The following EPM2A variants were observed in gnomAD, a reference collection of about 807,000 sequenced individuals.
The protein encoded by EPM2A is laforin.
EPM2A carries 21 observed loss-of-function variants against 26.5 expected under a neutral mutation model. The ratio of observed to expected loss-of-function variants is 0.79; its 90% CI spans 0.56 to 1.14. The LOEUF (loss-of-function observed/expected upper bound fraction) is 1.14, where lower values mean the gene tolerates loss of function less well. EPM2A is among the 50% of genes most tolerant of loss of function. The pLI, the probability that EPM2A is intolerant of heterozygous loss-of-function variation, is 0.00. For synonymous variants in EPM2A, 217 were observed against 177.6 expected (o/e 1.22, Z -1.76); for missense variants, 458 against 440.8 (o/e 1.04, Z -0.35).
chr6:145,395,525 A>T (rs1778393653), intron 4 of EPM2A, among the ~76,000 whole-genome samples: 1 of 152,114 alleles, frequency 6.6e-6, no homozygotes, highest in Non-Finnish European at 1.5e-5. Flanking sequence ...TGAAAAAACA[A>T]CGAGAGCCCC....
chr6:145,601,865 G>C (rs900078262), intron 2 of EPM2A, among the ~76,000 whole-genome samples: 1 of 152,026 alleles, frequency 6.6e-6, no homozygotes, highest in African/African-American at 2.4e-5. Context: ...TACAATTATA[G>C]GCGCCTCTTT....
chr6:145,467,002 G>T (rs1779406936), intron 4 of EPM2A, among the ~76,000 whole-genome samples: 1 of 152,160 alleles, frequency 6.6e-6, no homozygotes, highest in African/African-American at 2.4e-5. Flanking sequence ...GTGGGGCGGT[G>T]GGAGTGGAGA....
chr6:145,729,760 G>C (rs1437290581), intron 1 of EPM2A, among the ~76,000 whole-genome samples: 1 of 152,134 alleles, frequency 6.6e-6, no homozygotes, highest in East Asian at 1.9e-4. Context: ...GAGACTTTGG[G>C]GGACCGTTGA....
chr6:145,395,526 C>T (rs569505032), intron 4 of EPM2A, among the ~76,000 whole-genome samples: 24 of 152,212 alleles, frequency 1.6e-4, no homozygotes, highest in South Asian at 6.2e-4. Context: ...GAAAAAACAA[C>T]GAGAGCCCCT....
rs1241853088 is a variant in EPM2A at position 145,451,342 on chromosome 6, A to C, written c.555+51180T>G. Among the ~76,000 whole-genome samples, 48 of 84,606 alleles carry C rather than the reference A, an allele frequency of 5.7e-4. 1 individual carries two copies. The Admixed American group carries it at 6.7e-3, about 12-fold the overall frequency. The allele number at this position is 84,606 out of a possible 152,430, so 55.5% of individuals were successfully genotyped here. A position where few individuals can be genotyped will look rare whatever the true frequency, so the allele number is the denominator to read the frequency against. On this transcript the variant is annotated intron_variant, in intron 4 of 4. Transcript: ENST00000638717. The stretch of plus-strand genomic sequence containing the variant: ...CAAAATCATGCATTTGTTACCAAAA[A>C]ATGCATTGGTAAAAAAATCCATTGT...
At chr6:145,491,097 C>A in intron 4 of EPM2A, 1 of 649,740 alleles carries the variant, frequency 1.5e-6, no homozygotes, top group African/African-American at 1.8e-5. Context: ...TGCAATCTTC[C>A]TTTTATTTGG....
chr6:145,451,717 A>G (rs1415738450), intron 4 of EPM2A, among the ~76,000 whole-genome samples: 3 of 152,234 alleles, frequency 2.0e-5, no homozygotes, highest in African/African-American at 7.2e-5. Flanking sequence ...TTTGTTAAGA[A>G]AAATAAGTTA....
intron 2 of EPM2A, among the ~76,000 whole-genome samples, chr6:145,511,897 T>G (rs1477191973): frequency 1.3e-5 from 2 of 152,212 alleles, no homozygotes; most frequent in African/African-American, 4.8e-5. Context: ...CAGATCTGAT[T>G]AGAAACTTCA....
chr6:145,625,823 C>G lies in EPM2A; in HGVS notation c.*1593G>C, dbSNP rs1775771558. 1.3e-6 allele frequency: 2 copies of G among 1,549,684 alleles called. No individual in the cohort carries two copies. The highest frequency in any genetic ancestry group is 1.4e-5 in the African/African-American group (1 of 73,404). On this transcript the variant is annotated 3_prime_UTR_variant, in exon 4 of 4. Transcript: ENST00000367519. Reference sequence around the variant, plus strand: ...CTTACCTTGTATCCTTCTTGTCCCCCACGCCTTCTAAATAAGAGTCTCTTG... The same window carrying G: ...CTTACCTTGTATCCTTCTTGTCCCCGACGCCTTCTAAATAAGAGTCTCTTG...
At chr6:145,501,869 T>C (rs917573549) in intron 3 of EPM2A, 2 of 471,014 alleles carry the variant, frequency 4.2e-6, no homozygotes, top group Non-Finnish European at 8.8e-6. Context: ...CAGGGATAGA[T>C]ACAGGTAGAG....
At chr6:145,450,874 C>T (rs4896808) in intron 4 of EPM2A, among the ~76,000 whole-genome samples, 7,585 of 152,048 alleles carry the variant, frequency 0.05, 288 homozygotes, top group Admixed American at 0.12. Flanking sequence ...TTGTAAACTG[C>T]TGTTTTATAT....
chr6:145,426,401 C>T (rs780097492), intron 4 of EPM2A, among the ~76,000 whole-genome samples: 62 of 152,296 alleles, frequency 4.1e-4, no homozygotes, highest in Non-Finnish European at 7.5e-4. Flanking sequence ...ATAATTTCCA[C>T]CATCGATATT....
At chr6:145,456,970 A>C (rs908716287) in intron 4 of EPM2A, among the ~76,000 whole-genome samples, 6 of 152,234 alleles carry the variant, frequency 3.9e-5, no homozygotes, top group Non-Finnish European at 7.3e-5. Context: ...AATATTAAAA[A>C]TTCAAATAGA....
downstream of EPM2A, among the ~76,000 whole-genome samples, chr6:145,498,556 C>T (rs988439885): frequency 9.2e-5 from 14 of 152,174 alleles, no homozygotes; most frequent in African/African-American, 3.4e-4. Flanking sequence ...TTTCAAAGGT[C>T]TGTGGGAGAA....
Position 145,577,387 on chromosome 6 carries a change from G to A in EPM2A, c.340+57858C>T, listed in dbSNP as rs549775696. Among the ~76,000 whole-genome samples, 467 of 151,222 alleles carry A rather than the reference G, an allele frequency of 3.1e-3. 2 individuals carry two copies. Among genetic ancestry groups the A allele is most frequent in the Non-Finnish European group, 4.4e-3 (300 of 67,760 alleles). The stretch of plus-strand genomic sequence containing the variant: ...AATGGAAACAAAAAAAAAAGAGCAG[G>A]AGGGGCTAGCATGACATCAGATAAA... On this transcript the variant is annotated intron_variant, in intron 2 of 3. Transcript: ENST00000450221.
chr6:145,460,360 G>A (rs1436656050), intron 4 of EPM2A, among the ~76,000 whole-genome samples: 5 of 152,166 alleles, frequency 3.3e-5, no homozygotes, highest in African/African-American at 1.2e-4. Context: ...GATACTCCAA[G>A]TTTCTTAACC....
chr6:145,494,003 A>G lies in EPM2A; in HGVS notation c.555+8519T>C, dbSNP rs117075306. On this transcript the variant is annotated intron_variant, in intron 4 of 4. Coordinates refer to the EPM2A transcript ENST00000638717. Reference sequence around the variant, plus strand: ...CAAGATGATGCTGGCCTCATAGAATAAGTTAGGGAGCAGTCCCTCTTTTTC... The same window carrying G: ...CAAGATGATGCTGGCCTCATAGAATGAGTTAGGGAGCAGTCCCTCTTTTTC... 4.6e-3 allele frequency among the ~76,000 whole-genome samples: 696 copies of G among 152,270 alleles called. 22 individuals are homozygous for G. In the East Asian group the frequency reaches 0.1, roughly 22 times the overall value.
intron 2 of EPM2A, chr6:145,670,500 C>G (rs1380335807): frequency 1.3e-5 from 2 of 152,126 alleles, no homozygotes; most frequent in Non-Finnish European, 2.9e-5. Context: ...AAAAATACAG[C>G]TGCTTCCTTT....
chr6:145,473,298 T>C (rs1779499502), intron 4 of EPM2A, among the ~76,000 whole-genome samples: 1 of 149,486 alleles, frequency 6.7e-6, no homozygotes. Flanking sequence ...AGTAGCAGAA[T>C]CAATCAAGCA....
Sources: gnomAD v4.1 joint callset for allele counts (sites outside exome capture counted in the v4.1 genomes callset) on GRCh38, gnomAD v4.1.1 for gene constraint, MANE v1.5 for transcripts, NCBI Gene and HGNC (gene_info 2026-07-23, HGNC 2026-07-21) for gene names.